The following VEPH1 variants were observed in gnomAD, a reference collection of about 807,000 sequenced individuals.
VEPH1 encodes ventricular zone-expressed PH domain-containing protein homolog 1.
VEPH1 carries 80 observed loss-of-function variants against 85.2 expected under a neutral mutation model. That is an observed-to-expected ratio of 0.94 (90% CI 0.78 to 1.13). The LOEUF (loss-of-function observed/expected upper bound fraction) is 1.13. VEPH1 is among the 50% of genes most tolerant of loss of function. The pLI, the probability that VEPH1 is intolerant of heterozygous loss-of-function variation, is 0.00. For synonymous variants in VEPH1, 297 were observed against 348.0 expected, an observed-to-expected ratio of 0.85 and a Z score of 1.63; for missense variants, 955 against 980.5, an observed-to-expected ratio of 0.97 and a Z score of 0.35.
At chr3:157,344,904 T>C (rs920522161) in intron 9 of VEPH1, among the ~76,000 whole-genome samples, 1 of 150,884 alleles carries the variant, frequency 6.6e-6, no homozygotes, top group Admixed American at 6.6e-5. Context: ...TTCACAAACC[T>C]GACAAAAACC....
rs188803275 is a variant in VEPH1 at position 157,460,804 on chromosome 3, T to C, written c.355-449A>G. Among the ~76,000 whole-genome samples, 43 of 152,130 alleles carry C rather than the reference T, an allele frequency of 2.8e-4. No individual in the cohort carries two copies. The East Asian group carries it at 7.9e-3, about 28-fold the overall frequency. ...AGTACCTGATGGCACTGGAGAGTTGTAAATAGCTCAGGATGGCTGAAGTGT... is the reference window on the plus strand; with the variant it reads ...AGTACCTGATGGCACTGGAGAGTTGCAAATAGCTCAGGATGGCTGAAGTGT... On this transcript the variant is annotated intron_variant, in intron 3 of 13. Coordinates refer to ENST00000362010, the MANE Select transcript of VEPH1 (RefSeq NM_001167912.2).
chr3:157,302,745 A>G (rs963054605), intron 11 of VEPH1, among the ~76,000 whole-genome samples: 2 of 152,140 alleles, frequency 1.3e-5, no homozygotes, highest in African/African-American at 4.8e-5. Flanking sequence ...GGCTTTCCAT[A>G]GACCACAAAA....
chr3:157,350,661 ATATCT>A (rs1391534353), intron 9 of VEPH1, among the ~76,000 whole-genome samples: 3 of 152,200 alleles, frequency 2.0e-5, no homozygotes, highest in African/African-American at 2.4e-5. Context: ...AGGAATTCAA[ATATCT>A]TAACAGCAAA....
At chr3:157,267,244 C>T (rs1455827055) in intron 12 of VEPH1, among the ~76,000 whole-genome samples, 5 of 151,104 alleles carry the variant, frequency 3.3e-5, no homozygotes, top group East Asian at 3.9e-4. Context: ...TACAGGTATT[C>T]GCCACCACGC....
rs116169028 is a variant in VEPH1 at position 157,377,213 on chromosome 3, G to A, written c.1127+3943C>T. On this transcript the variant is annotated intron_variant, in intron 7 of 13. Transcript: ENST00000362010. ...TTTCAATTGAGAGAGGTTGAGGTGG[G>A]GGATGATGGCAGTCGTGGTAGGAGG... 6.3e-3 allele frequency among the ~76,000 whole-genome samples: 960 copies of A among 152,098 alleles called. 14 individuals carry two copies. The highest frequency in any genetic ancestry group is 0.022 in the African/African-American group (906 of 41,474).
chr3:157,481,232 C>T (rs555439689), intron 2 of VEPH1, among the ~76,000 whole-genome samples: 1 of 151,912 alleles, frequency 6.6e-6, no homozygotes, highest in Non-Finnish European at 1.5e-5. Context: ...AATATTTTCT[C>T]CCATTCTCTA....
chr3:157,426,648 C>A (rs947083994), intron 5 of VEPH1, among the ~76,000 whole-genome samples: 2 of 152,068 alleles, frequency 1.3e-5, no homozygotes, highest in African/African-American at 4.8e-5. Context: ...AAAAATGAAC[C>A]TTTGCTGTCA....
intron 2 of VEPH1, among the ~76,000 whole-genome samples, chr3:157,485,220 T>C (rs1284162042): frequency 2.0e-5 from 3 of 152,160 alleles, no homozygotes; most frequent in Non-Finnish European, 4.4e-5. Flanking sequence ...TTTGAAAACA[T>C]TTTAAATGGA....
At chr3:157,283,329 G>C (rs1716381339) in intron 12 of VEPH1, among the ~76,000 whole-genome samples, 1 of 152,146 alleles carries the variant, frequency 6.6e-6, no homozygotes, top group African/African-American at 2.4e-5. Flanking sequence ...TTGTGTTTCA[G>C]TTTTCTGATC....
At chr3:157,370,334 A>G (rs1727350957) in intron 7 of VEPH1, among the ~76,000 whole-genome samples, 1 of 152,218 alleles carries the variant, frequency 6.6e-6, no homozygotes, top group Non-Finnish European at 1.5e-5. Flanking sequence ...AAGAAAAATA[A>G]TATTAGTTAA....
chr3:157,420,147 A>AG (rs1732218249), intron 5 of VEPH1, among the ~76,000 whole-genome samples: 1 of 136,828 alleles, frequency 7.3e-6, no homozygotes, highest in Non-Finnish European at 1.6e-5. Flanking sequence ...ACGATATGGG[A>AG]GGGGTGGAAC....
At chr3:157,359,241 T>G (rs1725778469) in intron 9 of VEPH1, among the ~76,000 whole-genome samples, 1 of 152,238 alleles carries the variant, frequency 6.6e-6, no homozygotes, top group South Asian at 2.1e-4. Flanking sequence ...TATTACAATA[T>G]CATGTGTGTG....
At chr3:157,369,773 C>T (rs1002954469) in intron 7 of VEPH1, among the ~76,000 whole-genome samples, 1 of 151,974 alleles carries the variant, frequency 6.6e-6, no homozygotes, top group Non-Finnish European at 1.5e-5. Context: ...GTATTTTGTT[C>T]GAAACAAAGT....
intron 4 of VEPH1, among the ~76,000 whole-genome samples, chr3:157,455,673 G>A (rs532348862): frequency 1.3e-5 from 2 of 152,166 alleles, no homozygotes; most frequent in East Asian, 3.9e-4. Context: ...GACAACATGC[G>A]GTATTTGGTT....
chr3:157,381,742 A>G, intron 6 of VEPH1: 1 of 199,458 alleles, frequency 5.0e-6, no homozygotes. Context: ...TAATAAATAG[A>G]AAAGAAAAAA....
chr3:157,428,389 A>G lies in VEPH1; in HGVS notation c.629T>C (p.Leu210Pro), dbSNP rs1732903085. The change falls in exon 5 of 14, where the codon CTG becomes CCG. Residue 210 changes from leucine (L) to proline (P), a missense_variant. Physicochemically the swap from Leu to Pro is moderately conservative, Grantham distance 98. Coordinates refer to ENST00000362010, the MANE Select transcript of VEPH1 (RefSeq NM_001167912.2). ...LTELLALMSQ[L>P]EQPEQYHLLR... is the part of the protein sequence containing the mutation. ...TAGATGGTACTGTTCTGGCTGTTCC[A>G]GCTGAGACATCAAGGCCAGGAGTTC... 6.2e-7 allele frequency: 1 copy of G among 1,614,014 alleles called. No individual in the cohort carries two copies.
intron 9 of VEPH1, among the ~76,000 whole-genome samples, chr3:157,341,664 A>G (rs1003715509): frequency 2.6e-5 from 4 of 152,234 alleles, no homozygotes; most frequent in African/African-American, 9.6e-5. Context: ...AAATTCAGGA[A>G]ATACAGAGAA....
chr3:157,438,554 G>C (rs1733861505), intron 4 of VEPH1, among the ~76,000 whole-genome samples: 1 of 152,164 alleles, frequency 6.6e-6, no homozygotes, highest in Non-Finnish European at 1.5e-5. Context: ...GGGGAGGTCG[G>C]AGGGTGTGCG....
intron 11 of VEPH1, among the ~76,000 whole-genome samples, chr3:157,292,915 G>A (rs1447456852): frequency 6.7e-6 from 1 of 149,824 alleles, no homozygotes; most frequent in East Asian, 2.0e-4. Context: ...CCCAGGAGGC[G>A]GAGGTTGCGG....
Sources: allele counts gnomAD v4.1 joint callset (sites outside exome capture counted in the v4.1 genomes callset), GRCh38; gene constraint gnomAD v4.1.1; transcripts MANE v1.5; gene names NCBI Gene and HGNC (gene_info 2026-07-23, HGNC 2026-07-21).